Variants in CCDC146 observed in about 807,000 individuals in gnomAD.
CCDC146 encodes coiled-coil domain-containing protein 146.
In CCDC146, 92 loss-of-function variants were observed where a neutral mutation model predicts 119.3. The ratio of observed to expected loss-of-function variants is 0.77; its 90% confidence interval spans 0.65 to 0.92. The LOEUF (loss-of-function observed/expected upper bound fraction) is 0.92. Ranked by LOEUF, CCDC146 falls within the 40% of genes least tolerant of loss-of-function variation. The pLI is 0.00. For synonymous variants in CCDC146, 372 were observed against 371.8 expected, an observed-to-expected ratio of 1.00 and a Z score of -0.01; for missense variants, 1,000 against 1,103.0, an observed-to-expected ratio of 0.91 and a Z score of 1.32.
intron 15 of CCDC146, among the ~76,000 whole-genome samples, chr7:77,284,152 C>A (rs1793809141): frequency 6.6e-6 from 1 of 152,170 alleles, no homozygotes. Context: ...TACACAAGAC[C>A]ATTCAAGCGA....
At chr7:77,177,380 T>C (rs1433876135) in intron 2 of CCDC146, among the ~76,000 whole-genome samples, 1 of 152,216 alleles carries the variant, frequency 6.6e-6, no homozygotes, top group Non-Finnish European at 1.5e-5. Context: ...GTTTCAAGTA[T>C]GTAAACTTAC....
chr7:77,254,559 C>A lies in CCDC146; in HGVS notation c.503C>A (p.Pro168Gln). 1 of 1,517,606 alleles carries A rather than the reference C, an allele frequency of 6.6e-7. No homozygotes were observed. The highest frequency in any genetic ancestry group is 2.3e-5 in the East Asian group (1 of 44,218). 94.0% of individuals were successfully genotyped at this position (1,517,606 alleles called of 1,614,324 possible). A position where few individuals can be genotyped will look rare whatever the true frequency, so the allele number is the denominator to read the frequency against. Residue 168 changes from proline (P) to glutamine (Q), a missense_variant, in exon 5 of 19, where the codon CCA becomes CAA. By Grantham distance (76) the Pro-to-Gln change is moderately conservative (BLOSUM62 -1). Around this residue, in one of 2 missense-constraint regions of CCDC146, gnomAD observed 985 missense variants for 1,045.3 expected, o/e 0.94. Transcript: ENST00000285871. ...AAAGAATTTGAGAAGATAACAAAGCCAGGAGTAAGTCTTAGATGATATAGA... is the reference window on the plus strand; with the variant it reads ...AAAGAATTTGAGAAGATAACAAAGCAAGGAGTAAGTCTTAGATGATATAGA... ...IVKEFEKITKPGEMEKKMKIL... is the reference protein window; with the variant it reads ...IVKEFEKITKQGEMEKKMKIL...
chr7:77,290,102 G>C (rs1793917999), intron 17 of CCDC146, among the ~76,000 whole-genome samples: 1 of 152,040 alleles, frequency 6.6e-6, no homozygotes, highest in Admixed American at 6.5e-5. Context: ...GGACATGGAT[G>C]AAGCTGGAAA....
intron 1 of CCDC146, among the ~76,000 whole-genome samples, chr7:77,125,836 CTT>C (rs1330287071): frequency 1.3e-5 from 2 of 152,076 alleles, no homozygotes; most frequent in Non-Finnish European, 1.5e-5. Context: ...ACTCAACAAT[CTT>C]AACTAATAAC....
intron 2 of CCDC146, among the ~76,000 whole-genome samples, chr7:77,190,438 T>C (rs536593977): frequency 3.9e-5 from 6 of 152,330 alleles, no homozygotes; most frequent in African/African-American, 1.4e-4. Flanking sequence ...CATTAGACTT[T>C]AGAACTGATA....
intron 4 of CCDC146, among the ~76,000 whole-genome samples, chr7:77,244,501 A>G (rs917526587): frequency 3.9e-5 from 6 of 152,112 alleles, no homozygotes; most frequent in Non-Finnish European, 8.8e-5. Flanking sequence ...CTTTTATGCC[A>G]TATTTTTACT....
chr7:77,246,496 T>A (rs1792954305), intron 4 of CCDC146: 1 of 152,106 alleles, frequency 6.6e-6, no homozygotes, highest in Non-Finnish European at 1.5e-5. Flanking sequence ...AGCTGAAAAA[T>A]GTCAGATTTA....
At chr7:77,192,277 A>G (rs1333624043) in intron 2 of CCDC146, among the ~76,000 whole-genome samples, 3 of 152,172 alleles carry the variant, frequency 2.0e-5, no homozygotes, top group Admixed American at 6.5e-5. Flanking sequence ...AATCCTCTCA[A>G]TAACTCTATC....
In CCDC146 at chr7:77,286,928, T is replaced by C. The variant is rs1181824315; in HGVS notation, c.2277+2T>C. 6.2e-7 allele frequency: 1 copy of C among 1,614,028 alleles called. No individual in the cohort carries two copies. Reference sequence around the variant, plus strand: ...GAAATGATCCAAAAATTAGACAAGGTAAACATTATTGCTTAAAATTGCATC... The same window carrying C: ...GAAATGATCCAAAAATTAGACAAGGCAAACATTATTGCTTAAAATTGCATC... On this transcript the variant is annotated splice_donor_variant, in intron 16 of 18. Coordinates refer to ENST00000285871, the MANE Select transcript of CCDC146 (RefSeq NM_020879.3). LOFTEE classifies it high-confidence loss of function.
intron 9 of CCDC146, 60 bp downstream of exon 9, chr7:77,262,367 T>C: frequency 7.2e-7 from 1 of 1,380,228 alleles, no homozygotes; most frequent in Non-Finnish European, 9.7e-7. Context: ...GAAGTAAAAA[T>C]ATTTTAGGAA....
intron 2 of CCDC146, among the ~76,000 whole-genome samples, chr7:77,217,657 A>G (rs185502902): frequency 9.9e-4 from 150 of 152,136 alleles, no homozygotes; most frequent in African/African-American, 3.4e-3. Context: ...AAACATTGTT[A>G]GACTATTTAA....
intron 17 of CCDC146, among the ~76,000 whole-genome samples, chr7:77,291,345 CT>C (rs141520543): frequency 1.3e-5 from 2 of 151,408 alleles, no homozygotes; most frequent in African/African-American, 4.9e-5. Context: ...CTCTTGAGAT[CT>C]TTTTTTTCCA....
At chr7:77,211,650 C>T (rs1462669069) in intron 2 of CCDC146, among the ~76,000 whole-genome samples, 2 of 152,008 alleles carry the variant, frequency 1.3e-5, no homozygotes, top group Non-Finnish European at 2.9e-5. Context: ...GAGTCTCACT[C>T]TGTCACCCAG....
At chr7:77,234,020 C>A (rs3114306) in intron 2 of CCDC146, among the ~76,000 whole-genome samples, 85,448 of 151,668 alleles carry the variant, frequency 0.56, 26,522 homozygotes, top group Non-Finnish European at 0.7. Flanking sequence ...AAGTAATGGT[C>A]TTTTTAGCTT....
intron 1 of CCDC146, among the ~76,000 whole-genome samples, chr7:77,148,148 T>TTGATCTCAGACTGAAG: frequency 6.6e-6 from 1 of 152,316 alleles, no homozygotes; most frequent in South Asian, 2.1e-4. Flanking sequence ...ACCTTGCAGT[T>TTGATCTCAGACTGAAG]TGATCTCAGA....
intron 8 of CCDC146, 79 bp downstream of exon 8, chr7:77,260,315 T>C: frequency 1.0e-6 from 1 of 1,000,676 alleles, no homozygotes; most frequent in Non-Finnish European, 1.5e-6. Flanking sequence ...AAATCTCACT[T>C]TGGTGTTGAG....
In CCDC146 at chr7:77,286,795, T is replaced by A. The variant is rs772045165; in HGVS notation, c.2149-3T>A. 4 of 1,612,312 alleles carry A rather than the reference T, an allele frequency of 2.5e-6. No homozygotes were observed. The African/African-American group carries it at 5.4e-5, about 22-fold the overall frequency. On this transcript the variant is annotated splice_region_variant and splice_polypyrimidine_tract_variant and intron_variant, in intron 15 of 18. Transcript: ENST00000285871. ...TTTAAAGTTAATGTTTTTTTCTTAA[T>A]AGTTTTCACAGTGTACAGACAGAAT...
chr7:77,262,301 A>AAGGC lies in CCDC146; in HGVS notation c.1167_1168insAGGC (p.Leu390ArgfsTer11). 2 of 1,593,118 alleles carry AAGGC rather than the reference A, an allele frequency of 1.3e-6. No homozygotes were observed. Among genetic ancestry groups the AAGGC allele is most frequent in the Non-Finnish European group, 1.7e-6 (2 of 1,169,534 alleles). On this transcript the variant is annotated frameshift_variant, in exon 9 of 19. Coordinates refer to ENST00000285871, the MANE Select transcript of CCDC146 (RefSeq NM_020879.3). LOFTEE classifies it high-confidence loss of function. ...CTCAAGCACTGCATCAAAGGCTTCT[A>AAGGC]TTAGAGGTGAGGGCTGTAAACTACC...
At chr7:77,269,676 C>G (rs932045290) in intron 9 of CCDC146, among the ~76,000 whole-genome samples, 1 of 152,146 alleles carries the variant, frequency 6.6e-6, no homozygotes, top group African/African-American at 2.4e-5. Context: ...GCTATTAAGT[C>G]CACAAAATAG....
Sources: gnomAD v4.1 joint callset for allele counts (sites outside exome capture counted in the v4.1 genomes callset) on GRCh38, gnomAD v4.1.1 for gene constraint, gnomAD v4.1.1 regional missense constraint, MANE v1.5 for transcripts, NCBI Gene and HGNC (gene_info 2026-07-23, HGNC 2026-07-21) for gene names.